MASP1: variants seen among roughly 807,000 people sequenced by gnomAD.
The protein encoded by MASP1 is MBL associated serine protease 1, also known as mannan-binding lectin serine protease 1.
A neutral mutation model predicts 77.1 loss-of-function variants in MASP1; 59 were observed. The observed-to-expected ratio is 0.77, with a 90% CI of 0.62 to 0.95. The LOEUF is 0.95. Among genes scored for constraint, MASP1 ranks in the 40% least tolerant of loss-of-function variants. The probability of loss-of-function intolerance (pLI) is 0.00; values close to 1 mark genes in which losing one functional copy is unlikely to be tolerated. For missense variants in MASP1, 885 were observed against 912.9 expected, an observed-to-expected ratio of 0.97 and a Z score of 0.39; for synonymous variants, 362 against 354.5, an observed-to-expected ratio of 1.02 and a Z score of -0.24.
chr3:187,278,790 G>A (rs571221441), intron 2 of MASP1, among the ~76,000 whole-genome samples: 219 of 152,218 alleles, frequency 1.4e-3, no homozygotes, highest in African/African-American at 5.0e-3. Flanking sequence ...GGAGGCCTGT[G>A]GGCTTTCTTG....
rs1028231505 is a variant in MASP1, at chr3:187,234,194, A to G, written c.*1490T>C. On this transcript the variant is annotated 3_prime_UTR_variant, in exon 11 of 11. Transcript: ENST00000296280. ...TGATATAAAAGATACAAAATATAAC[A>G]TCATTTACATGTGCCATTCATAGAC... 1.2e-5 allele frequency: 16 copies of G among 1,287,110 alleles called. No homozygotes were observed. In the African/African-American group the frequency reaches 2.4e-4, roughly 20 times the overall value. 79.7% of individuals were successfully genotyped at this position (1,287,110 alleles called of 1,614,324 possible). A position where few individuals can be genotyped will look rare whatever the true frequency, so the allele number is the denominator to read the frequency against.
intron 7 of MASP1, among the ~76,000 whole-genome samples, chr3:187,251,130 T>C (rs1250899690): frequency 1.3e-5 from 2 of 152,146 alleles, no homozygotes; most frequent in Non-Finnish European, 2.9e-5. Context: ...GGCTATTTTT[T>C]GTATTATTTA....
intron 8 of MASP1, among the ~76,000 whole-genome samples, chr3:187,247,853 C>G (rs2108533384): frequency 6.6e-6 from 1 of 152,300 alleles, no homozygotes; most frequent in East Asian, 1.9e-4. Context: ...GCTGCCACTC[C>G]CCAGCCCTTT....
chr3:187,244,762 C>A (rs2108527696), intron 8 of MASP1: 1 of 152,362 alleles, frequency 6.6e-6, no homozygotes, highest in Middle Eastern at 3.4e-3. Flanking sequence ...TAGGTACTAG[C>A]TGGCCAATGG....
intron 9 of MASP1, chr3:187,242,088 C>T (rs1056375650): frequency 3.7e-5 from 6 of 160,316 alleles, no homozygotes; most frequent in Non-Finnish European, 6.9e-5. Context: ...ACATGGCTCC[C>T]TGTTGCACAG....
chr3:187,256,513 G>A (rs1560016687), intron 5 of MASP1, 151 bp downstream of exon 5: 1 of 754,408 alleles, frequency 1.3e-6, no homozygotes, highest in Non-Finnish European at 2.3e-6. Context: ...AACTAAGATG[G>A]TAGATATTAT....
intron 5 of MASP1, among the ~76,000 whole-genome samples, chr3:187,256,403 G>A (rs930867905): frequency 6.6e-5 from 10 of 152,202 alleles, no homozygotes; most frequent in Admixed American, 2.6e-4. Context: ...GGGCGTGCCC[G>A]CCAGAGACCT....
chr3:187,254,772 T>G (rs1325124464), intron 5 of MASP1, among the ~76,000 whole-genome samples: 2 of 152,180 alleles, frequency 1.3e-5, no homozygotes, highest in Non-Finnish European at 2.9e-5. Context: ...GGCTCTATTA[T>G]CTGATCCGGA....
chr3:187,251,754 T>C lies in MASP1; in HGVS notation c.893-2A>G, dbSNP rs1487873347. 1 of 1,609,608 alleles carries C rather than the reference T, an allele frequency of 6.2e-7. No individual in the cohort carries two copies. The highest frequency in any genetic ancestry group is 1.7e-5 in the Admixed American group (1 of 60,020). On this transcript the variant is annotated splice_acceptor_variant, in intron 6 of 10. Coordinates refer to ENST00000296280, the MANE Select transcript of MASP1 (RefSeq NM_139125.4). LOFTEE classifies it high-confidence loss of function. ...GCTGTAGCTCTGGGCACTCATTTCCTGGTGAGGAGCAAATGAAAGAACAGC... is the reference window on the plus strand; with the variant it reads ...GCTGTAGCTCTGGGCACTCATTTCCCGGTGAGGAGCAAATGAAAGAACAGC...
In MASP1 at chr3:187,253,020, A is replaced by G. The variant is rs698094; in HGVS notation, c.892+148T>C. On this transcript the variant is annotated intron_variant, in intron 6 of 10. Coordinates refer to ENST00000296280, the MANE Select transcript of MASP1 (RefSeq NM_139125.4). Reference sequence around the variant, plus strand: ...ATAGATGGAAAACTGAGTCAGGAGAAAGCACGTGCCTTGGTCCCCAGCTGC... The same window carrying G: ...ATAGATGGAAAACTGAGTCAGGAGAGAGCACGTGCCTTGGTCCCCAGCTGC... The G allele has an allele frequency of 0.74, 676,800 of 913,470 alleles. 252,698 individuals are homozygous for G. The highest frequency in any genetic ancestry group is 0.88 in the African/African-American group (53,317 of 60,932). The allele number at this position is 913,470 out of a possible 1,614,324, so 56.6% of individuals were successfully genotyped here.
intron 2 of MASP1, among the ~76,000 whole-genome samples, chr3:187,283,422 C>T (rs993036362): frequency 1.3e-5 from 2 of 152,204 alleles, no homozygotes; most frequent in Admixed American, 6.5e-5. Context: ...GAGCTAAATC[C>T]TCTCTTGTGT....
rs1353786914 is a variant in MASP1 at position 187,220,923 on chromosome 3, G to A, written c.1909+112C>T. On this transcript the variant is annotated intron_variant, in intron 15 of 15. Transcript: ENST00000337774. ...TCCCACGGCCTTCCTCCAGTCCCCC[G>A]CGCCCCCACACTGCCAGCCCACCAG... The A allele has an allele frequency of 3.8e-6, 3 of 797,100 alleles. No individual in the cohort carries two copies. The East Asian group carries it at 7.7e-5, about 20-fold the overall frequency. The allele number at this position is 797,100 out of a possible 1,614,324, so 49.4% of individuals were successfully genotyped here.
At chr3:187,291,190 G>A (rs190176514) in intron 1 of MASP1, 2 of 214,950 alleles carry the variant, frequency 9.3e-6, no homozygotes, top group Non-Finnish European at 1.9e-5. Flanking sequence ...GCTATGGGAA[G>A]CTGGTTTCTT....
At chr3:187,266,994 A>G (rs1716086192) in intron 2 of MASP1, among the ~76,000 whole-genome samples, 1 of 152,244 alleles carries the variant, frequency 6.6e-6, no homozygotes, top group South Asian at 2.1e-4. Context: ...AAATGCATTG[A>G]CAGCTACCAA....
chr3:187,275,866 C>G (rs1457456145), intron 2 of MASP1, among the ~76,000 whole-genome samples: 1 of 149,794 alleles, frequency 6.7e-6, no homozygotes, highest in Admixed American at 6.7e-5. Flanking sequence ...GACATTAATA[C>G]TCTGAGCATC....
chr3:187,276,636 A>G (rs1297231006), intron 2 of MASP1: 1 of 152,146 alleles, frequency 6.6e-6, no homozygotes, highest in African/African-American at 2.4e-5. Context: ...TTTGTTTTCC[A>G]TCACCCTGAA....
At chr3:187,260,550 T>G (rs1186466756) in intron 4 of MASP1, among the ~76,000 whole-genome samples, 191 bp downstream of exon 4, 1 of 152,218 alleles carries the variant, frequency 6.6e-6, no homozygotes, top group East Asian at 1.9e-4. Context: ...CTTCTCTCCT[T>G]TGGGAACCCA....
chr3:187,229,696 C>G, downstream of MASP1: 1 of 1,594,314 alleles, frequency 6.3e-7, no homozygotes, highest in Non-Finnish European at 8.6e-7. Context: ...ATGAAGAAAC[C>G]TTGGTCAGTC....
intron 2 of MASP1, among the ~76,000 whole-genome samples, chr3:187,272,600 G>A (rs541827282): frequency 6.6e-6 from 1 of 152,144 alleles, no homozygotes; most frequent in African/African-American, 2.4e-5. Context: ...CACACACAGA[G>A]GGATGACAGC....
Sources: allele counts gnomAD v4.1 joint callset (sites outside exome capture counted in the v4.1 genomes callset), GRCh38; gene constraint gnomAD v4.1.1; transcripts MANE v1.5; gene names NCBI Gene and HGNC (gene_info 2026-07-23, HGNC 2026-07-21).